The following UBAC2 variants were observed in gnomAD, a reference collection of about 807,000 sequenced individuals.
UBAC2 encodes the protein UBA domain containing 2, also known as ubiquitin-associated domain-containing protein 2.
UBAC2 carries 26 observed loss-of-function variants against 44.0 expected under a neutral mutation model. That is an observed-to-expected ratio of 0.59 (90% CI 0.43 to 0.82). UBAC2 has a LOEUF of 0.82. Among genes scored for constraint, UBAC2 ranks in the 40% least tolerant of loss-of-function variants. The pLI is 0.00. For missense variants in UBAC2, 329 were observed against 419.4 expected (o/e 0.78, Z 1.88); for synonymous variants, 155 against 154.3 (o/e 1.00, Z -0.04).
chr13:99,288,999 C>G (rs1371907643), intron 4 of UBAC2, among the ~76,000 whole-genome samples: 1 of 152,182 alleles, frequency 6.6e-6, no homozygotes, highest in African/African-American at 2.4e-5. Flanking sequence ...GAATATTGCA[C>G]ATGAAATAAT....
At chr13:99,314,260 A>G in intron 5 of UBAC2, 40 bp downstream of exon 5, 1 of 1,245,016 alleles carries the variant, frequency 8.0e-7, no homozygotes, top group Non-Finnish European at 1.0e-6. Flanking sequence ...CTTTAACCAG[A>G]TCTTTTTTTT....
intron 4 of UBAC2, among the ~76,000 whole-genome samples, chr13:99,247,204 T>TTTG (rs1555322893): frequency 1.0e-5 from 1 of 95,488 alleles, no homozygotes; most frequent in African/African-American, 2.8e-5. Flanking sequence ...TGTTTTTTTT[T>TTTG]TTTTGTTTTG....
intron 1 of UBAC2, among the ~76,000 whole-genome samples, chr13:99,207,372 T>C (rs922461261): frequency 6.6e-6 from 1 of 152,324 alleles, no homozygotes; most frequent in African/African-American, 2.4e-5. Context: ...TCTGAGCCTA[T>C]TCTTAAAAAT....
At chr13:99,228,438 C>G (rs932680257) in intron 1 of UBAC2, among the ~76,000 whole-genome samples, 2 of 151,824 alleles carry the variant, frequency 1.3e-5, no homozygotes, top group East Asian at 3.9e-4. Flanking sequence ...CAGGCTCCCC[C>G]GCACCCCACC....
At chr13:99,304,040 G>T (rs953071343) in intron 4 of UBAC2, among the ~76,000 whole-genome samples, 1 of 152,054 alleles carries the variant, frequency 6.6e-6, no homozygotes, top group African/African-American at 2.4e-5. Flanking sequence ...GCAGCTTCCC[G>T]CCAGGCTCTC....
At chr13:99,253,399 AC>A (rs1283073451) in intron 4 of UBAC2, among the ~76,000 whole-genome samples, 1 of 152,204 alleles carries the variant, frequency 6.6e-6, no homozygotes, top group African/African-American at 2.4e-5. Context: ...GAAGAATTGT[AC>A]TAAGAAGATT....
intron 1 of UBAC2, chr13:99,215,608 C>T: frequency 2.3e-6 from 3 of 1,300,438 alleles, no homozygotes; most frequent in Non-Finnish European, 3.3e-6. Context: ...TACACAGCGG[C>T]AGTTGCACCC....
In UBAC2 at chr13:99,385,458, C is replaced by G. The variant is rs2045608078; in HGVS notation, c.*123C>G. On this transcript the variant is annotated 3_prime_UTR_variant, in exon 9 of 9. Transcript: ENST00000403766. ...ATGTTCTTGTGGGAAGAGGGAGGTTCCACCGCACCCCTGCCCTCAACCGCA... is the reference window on the plus strand; with the variant it reads ...ATGTTCTTGTGGGAAGAGGGAGGTTGCACCGCACCCCTGCCCTCAACCGCA... The G allele has an allele frequency of 8.5e-5, 63 of 743,950 alleles. 1 individual carries two copies. The South Asian group carries it at 1.0e-3, about 12-fold the overall frequency. The allele number at this position is 743,950 out of a possible 1,614,324, so 46.1% of individuals were successfully genotyped here.
chr13:99,269,269 G>C (rs2043787112), intron 4 of UBAC2, among the ~76,000 whole-genome samples: 1 of 152,166 alleles, frequency 6.6e-6, no homozygotes, highest in South Asian at 2.1e-4. Context: ...TTCTGATTCT[G>C]TGCTCTTCTT....
intron 7 of UBAC2, among the ~76,000 whole-genome samples, chr13:99,357,227 A>G (rs886857997): frequency 1.3e-5 from 2 of 152,220 alleles, no homozygotes; most frequent in African/African-American, 4.8e-5. Flanking sequence ...GGCTACACCA[A>G]GCAGCCTTGG....
intron 4 of UBAC2, among the ~76,000 whole-genome samples, chr13:99,299,647 C>A (rs1367268956): frequency 6.6e-6 from 1 of 151,924 alleles, no homozygotes; most frequent in Admixed American, 6.6e-5. Flanking sequence ...ATTTTAGTTC[C>A]CCTTTTCTTG....
chr13:99,327,627 A>G (rs928838666), intron 6 of UBAC2, among the ~76,000 whole-genome samples: 3 of 152,148 alleles, frequency 2.0e-5, no homozygotes, highest in Non-Finnish European at 4.4e-5. Flanking sequence ...TTTATTATTT[A>G]TAAACAACAG....
chr13:99,352,292 C>T (rs1011339776), intron 7 of UBAC2, among the ~76,000 whole-genome samples: 1 of 152,180 alleles, frequency 6.6e-6, no homozygotes, highest in Non-Finnish European at 1.5e-5. Context: ...AATTTGAGAA[C>T]ATTTTTCATC....
chr13:99,280,138 A>T (rs911533277), intron 4 of UBAC2, among the ~76,000 whole-genome samples: 1 of 152,084 alleles, frequency 6.6e-6, no homozygotes, highest in Non-Finnish European at 1.5e-5. Flanking sequence ...CCCTAATTTT[A>T]TCTACAAAGG....
intron 4 of UBAC2, among the ~76,000 whole-genome samples, chr13:99,245,337 T>A (rs1225584780): frequency 6.6e-6 from 1 of 152,224 alleles, no homozygotes; most frequent in East Asian, 1.9e-4. Context: ...AATAATTTTT[T>A]AAAAGCTGAT....
In UBAC2 at chr13:99,203,667, A is replaced by T. The variant is rs144277923; in HGVS notation, c.31+2728A>T. Reference sequence around the variant, plus strand: ...GAGACCAGCATCAAACAGGCTAACAAGTCAGTATGATTCACATAGTGATAA... The same window carrying T: ...GAGACCAGCATCAAACAGGCTAACATGTCAGTATGATTCACATAGTGATAA... On this transcript the variant is annotated intron_variant, in intron 1 of 8. Coordinates refer to ENST00000403766, the MANE Select transcript of UBAC2 (RefSeq NM_001144072.2). Among the ~76,000 whole-genome samples the T allele has an allele frequency of 4.5e-4, 68 of 152,360 alleles. No homozygotes were observed. In the South Asian group the frequency reaches 9.3e-3, roughly 21 times the overall value.
At chr13:99,265,998 G>A (rs542843583) in intron 4 of UBAC2, among the ~76,000 whole-genome samples, 66 of 152,090 alleles carry the variant, frequency 4.3e-4, no homozygotes, top group Non-Finnish European at 7.5e-4. Context: ...TATGGTCTCC[G>A]GTTTTCCATA....
rs149442047 is a variant in UBAC2 at position 99,251,048 on chromosome 13, T to G, written c.389+6424T>G. On this transcript the variant is annotated intron_variant, in intron 4 of 8. Transcript: ENST00000403766. ...GATTATAGGCATGAGCCACCAAGCCTGGCCATCTTTGATTTTTTTCAGCAG... is the reference window on the plus strand; with the variant it reads ...GATTATAGGCATGAGCCACCAAGCCGGGCCATCTTTGATTTTTTTCAGCAG... Among the ~76,000 whole-genome samples the G allele has an allele frequency of 7.4e-3, 1,124 of 152,284 alleles. 10 individuals carry two copies. The highest frequency in any genetic ancestry group is 0.055 in the South Asian group (267 of 4,818).
chr13:99,319,083 A>G (rs560261048), intron 6 of UBAC2, among the ~76,000 whole-genome samples: 10 of 152,286 alleles, frequency 6.6e-5, no homozygotes, highest in African/African-American at 2.4e-4. Flanking sequence ...GTTGGACCTG[A>G]CCAAAGTCTC....
Sources: allele counts gnomAD v4.1 joint callset (sites outside exome capture counted in the v4.1 genomes callset), GRCh38; gene constraint gnomAD v4.1.1; transcripts MANE v1.5; gene names NCBI Gene and HGNC (gene_info 2026-07-23, HGNC 2026-07-21).